The following STXBP5L variants were observed in gnomAD, a reference collection of about 807,000 sequenced individuals.
STXBP5L encodes syntaxin-binding protein 5-like.
STXBP5L carries 65 observed loss-of-function variants against 144.5 expected under a neutral mutation model. That is an observed-to-expected ratio of 0.45 (90% CI 0.37 to 0.55). The LOEUF (loss-of-function observed/expected upper bound fraction) is 0.55, where lower values mean the gene tolerates loss of function less well. Ranked by LOEUF, STXBP5L falls within the 20% of genes least tolerant of loss-of-function variation. The probability of loss-of-function intolerance (pLI) is 0.00; values close to 1 mark genes in which losing one functional copy is unlikely to be tolerated. For missense variants in STXBP5L, 1,298 were observed against 1,405.5 expected, an observed-to-expected ratio of 0.92 and a Z score of 1.22; for synonymous variants, 505 against 469.6, an observed-to-expected ratio of 1.08 and a Z score of -0.97.
Position 121,279,955 on chromosome 3 carries a change from A to G in STXBP5L, c.2109A>G (p.Ala703=), listed in dbSNP as rs1393469784. 4.3e-6 allele frequency: 7 copies of G among 1,610,480 alleles called. No individual in the cohort carries two copies. The highest frequency in any genetic ancestry group is 5.1e-6 in the Non-Finnish European group (6 of 1,178,170). The change falls in exon 19 of 27, where the codon GCA becomes GCG. Residue 703 remains alanine (A), a splice_region_variant and synonymous_variant. Coordinates refer to ENST00000471454, the MANE Select transcript of STXBP5L (RefSeq NM_001308330.2). ...CTCGAAAAAACAAACAGTTCATTGC[A>G]GGTAGGAGATAAAACAAGATGAGTT... ...RSPRKNKQFI[A]GLTELNDSPV...
At chr3:120,918,929 CAGTGTACCACA>C in intron 2 of STXBP5L, among the ~76,000 whole-genome samples, 1 of 152,212 alleles carries the variant, frequency 6.6e-6, no homozygotes, top group African/African-American at 2.4e-5. Flanking sequence ...GTGGGTTGTT[CAGTGTACCACA>C]AGATGCCAAA....
At chr3:121,052,467 G>T (rs2107596754) in intron 5 of STXBP5L, among the ~76,000 whole-genome samples, 1 of 152,194 alleles carries the variant, frequency 6.6e-6, no homozygotes, top group Non-Finnish European at 1.5e-5. Context: ...ATGTAATCCA[G>T]CATATAAACA....
chr3:121,344,690 A>AC (rs2044879598), intron 20 of STXBP5L, among the ~76,000 whole-genome samples: 1 of 152,054 alleles, frequency 6.6e-6, no homozygotes, highest in Non-Finnish European at 1.5e-5. Flanking sequence ...GTACCCAATA[A>AC]AAGAGTTAAT....
chr3:121,004,085 A>T, intron 3 of STXBP5L, among the ~76,000 whole-genome samples: 1 of 152,162 alleles, frequency 6.6e-6, no homozygotes, highest in East Asian at 1.9e-4. Flanking sequence ...AATTCTGTGA[A>T]GAAAGTCATT....
chr3:121,006,472 A>G (rs969807943), intron 3 of STXBP5L, among the ~76,000 whole-genome samples: 5 of 152,144 alleles, frequency 3.3e-5, no homozygotes, highest in African/African-American at 9.7e-5. Context: ...GGTTTCCTCA[A>G]TACAGCACAC....
Position 120,946,441 on chromosome 3 carries a change from T to A in STXBP5L, c.190-8499T>A, listed in dbSNP as rs375039931. Among the ~76,000 whole-genome samples the A allele has an allele frequency of 2.9e-4, 44 of 151,904 alleles. No homozygotes were observed. In the South Asian group the frequency reaches 9.1e-3, roughly 32 times the overall value. On this transcript the variant is annotated intron_variant, in intron 2 of 26. Coordinates refer to ENST00000471454, the MANE Select transcript of STXBP5L (RefSeq NM_001308330.2). Reference sequence around the variant, plus strand: ...GAATATTTGCCTTTACCATTAAGAATATATTATATATAATTTCTTCTGTTT... The same window carrying A: ...GAATATTTGCCTTTACCATTAAGAAAATATTATATATAATTTCTTCTGTTT...
At chr3:121,402,059 G>A (rs1038999954) in intron 22 of STXBP5L, among the ~76,000 whole-genome samples, 2 of 152,128 alleles carry the variant, frequency 1.3e-5, no homozygotes, top group South Asian at 4.1e-4. Context: ...TGTAGGCCTA[G>A]TGCATTTTCA....
chr3:121,058,338 G>T (rs529716743), intron 5 of STXBP5L, among the ~76,000 whole-genome samples: 1 of 152,340 alleles, frequency 6.6e-6, no homozygotes, highest in South Asian at 2.1e-4. Context: ...GGAGTCCATG[G>T]TGTACATGTG....
At chr3:120,975,915 G>A (rs1455314485) in intron 3 of STXBP5L, among the ~76,000 whole-genome samples, 2 of 152,124 alleles carry the variant, frequency 1.3e-5, no homozygotes, top group South Asian at 2.1e-4. Context: ...TGGTGGATAA[G>A]CTTTTTGATG....
chr3:120,995,950 C>G (rs991249611), intron 3 of STXBP5L, among the ~76,000 whole-genome samples: 5 of 152,050 alleles, frequency 3.3e-5, no homozygotes, highest in Non-Finnish European at 7.4e-5. Flanking sequence ...TTTACAGAAT[C>G]AAATTATCTT....
intron 5 of STXBP5L, among the ~76,000 whole-genome samples, chr3:121,074,140 A>G (rs1255462460): frequency 6.6e-6 from 1 of 152,150 alleles, no homozygotes; most frequent in Non-Finnish European, 1.5e-5. Flanking sequence ...GGGTTTTTGA[A>G]TCCTTGGGGG....
intron 19 of STXBP5L, among the ~76,000 whole-genome samples, chr3:121,287,059 G>A (rs1327761933): frequency 2.0e-5 from 3 of 152,080 alleles, no homozygotes; most frequent in Admixed American, 1.3e-4. Context: ...GCTGATCAAC[G>A]TATACATATG....
intron 23 of STXBP5L, among the ~76,000 whole-genome samples, chr3:121,409,951 GT>G (rs912877552): frequency 8.6e-4 from 124 of 144,092 alleles, no homozygotes; most frequent in African/African-American, 2.3e-3. Context: ...TTTTGAGAGT[GT>G]TTTTTTTTTT....
chr3:121,117,120 A>G (rs2044264388), intron 6 of STXBP5L, among the ~76,000 whole-genome samples: 1 of 151,886 alleles, frequency 6.6e-6, no homozygotes, highest in Non-Finnish European at 1.5e-5. Context: ...TATATAGTCT[A>G]TACAATTTCA....
At chr3:121,158,083 G>A (rs967106045) in intron 9 of STXBP5L, 1 of 152,532 alleles carries the variant, frequency 6.6e-6, no homozygotes, top group African/African-American at 2.4e-5. Flanking sequence ...TGAAGACTGT[G>A]GTTTTAATTT....
intron 20 of STXBP5L, among the ~76,000 whole-genome samples, chr3:121,320,761 G>A (rs1327713337): frequency 1.3e-5 from 2 of 150,512 alleles, no homozygotes; most frequent in African/African-American, 2.4e-5. Flanking sequence ...GAGTGCAGTG[G>A]CGCAATCTCA....
intron 18 of STXBP5L, among the ~76,000 whole-genome samples, chr3:121,259,832 G>T: frequency 6.6e-6 from 1 of 151,084 alleles, no homozygotes; most frequent in African/African-American, 2.4e-5. Context: ...ATTGAGAAAT[G>T]AACATTATAA....
rs530966115 is a variant in STXBP5L, at chr3:121,050,264, A to G, written c.470+4729A>G. Among the ~76,000 whole-genome samples, 11 of 152,268 alleles carry G rather than the reference A, an allele frequency of 7.2e-5. No individual in the cohort carries two copies. The South Asian group carries it at 2.3e-3, about 32-fold the overall frequency. ...ACTTAGTCTTTTTTTTTAAGAGGAA[A>G]GGAATTTATATTTTAGAAATTTGTT... On this transcript the variant is annotated intron_variant, in intron 5 of 26. Transcript: ENST00000471454.
intron 22 of STXBP5L, among the ~76,000 whole-genome samples, chr3:121,385,532 A>G (rs1242787579): frequency 6.6e-6 from 1 of 152,114 alleles, no homozygotes; most frequent in Admixed American, 6.6e-5. Flanking sequence ...TGGAGGGAAC[A>G]AACATCCAAA....
Sources: gnomAD v4.1 joint callset for allele counts (sites outside exome capture counted in the v4.1 genomes callset) on GRCh38, gnomAD v4.1.1 for gene constraint, MANE v1.5 for transcripts, NCBI Gene and HGNC (gene_info 2026-07-23, HGNC 2026-07-21) for gene names.